The following GRIN2A variants were observed in gnomAD, a reference collection of about 807,000 sequenced individuals.
GRIN2A encodes the protein glutamate ionotropic receptor NMDA type subunit 2A.
Under a neutral mutation model 113.4 loss-of-function variants are expected in GRIN2A, and 22 were observed. The ratio of observed to expected loss-of-function variants is 0.19; its 90% CI spans 0.14 to 0.28. The LOEUF is 0.28. Ranked by LOEUF, GRIN2A falls within the 10% of genes least tolerant of loss-of-function variation. GRIN2A has a pLI of 1.00. For synonymous variants in GRIN2A, 827 were observed against 738.4 expected (o/e 1.12, Z -1.94); for missense variants, 1,502 against 1,887.0 (o/e 0.80, Z 3.78).
At chr16:10,124,445 G>A (rs2048889939) in intron 2 of GRIN2A, among the ~76,000 whole-genome samples, 1 of 151,778 alleles carries the variant, frequency 6.6e-6, no homozygotes, top group Non-Finnish European at 1.5e-5. Context: ...AGGAGAAGAA[G>A]CCAACATAAC....
chr16:9,971,908 T>A (rs1433397154), intron 2 of GRIN2A, among the ~76,000 whole-genome samples: 1 of 152,122 alleles, frequency 6.6e-6, no homozygotes, highest in Admixed American at 6.5e-5. Context: ...CATCATAGAG[T>A]TCTACATTTT....
At chr16:9,972,023 G>C (rs1052653798) in intron 2 of GRIN2A, among the ~76,000 whole-genome samples, 5 of 152,142 alleles carry the variant, frequency 3.3e-5, no homozygotes, top group African/African-American at 9.7e-5. Flanking sequence ...GTGGAAGTTA[G>C]AGACCTGGAA....
intron 2 of GRIN2A, among the ~76,000 whole-genome samples, chr16:10,129,193 A>G (rs1012321966): frequency 6.6e-6 from 1 of 152,086 alleles, no homozygotes; most frequent in African/African-American, 2.4e-5. Context: ...GTCCTACCTC[A>G]GCTTCCTATG....
chr16:9,768,776 A>T, intron 12 of GRIN2A, 75 bp downstream of exon 12: 2 of 944,116 alleles, frequency 2.1e-6, no homozygotes, highest in Non-Finnish European at 3.5e-6. Flanking sequence ...TGCAGACCCC[A>T]CTGAGACATC....
intron 3 of GRIN2A, among the ~76,000 whole-genome samples, chr16:9,902,743 C>T (rs79842281): frequency 0.027 from 4,128 of 151,962 alleles, 191 homozygotes; most frequent in African/African-American, 0.094. Context: ...TTTCTCTCCT[C>T]ATCTTCCCCT....
intron 2 of GRIN2A, among the ~76,000 whole-genome samples, chr16:10,160,650 T>A (rs2049791711): frequency 6.6e-6 from 1 of 152,234 alleles, no homozygotes; most frequent in African/African-American, 2.4e-5. Flanking sequence ...TTTGGCTGTT[T>A]TAATGAATTC....
intron 3 of GRIN2A, among the ~76,000 whole-genome samples, chr16:9,926,126 C>T (rs890576900): frequency 6.6e-6 from 1 of 152,178 alleles, no homozygotes; most frequent in African/African-American, 2.4e-5. Flanking sequence ...TCAAGGGGAA[C>T]TCTCCTTGGG....
chr16:9,863,250 C>G (rs2043101976), intron 4 of GRIN2A, among the ~76,000 whole-genome samples: 1 of 152,196 alleles, frequency 6.6e-6, no homozygotes, highest in African/African-American at 2.4e-5. Flanking sequence ...TAATAATTAG[C>G]ACCATGCAGC....
intron 2 of GRIN2A, among the ~76,000 whole-genome samples, chr16:10,119,247 T>C (rs189925983): frequency 2.0e-5 from 3 of 152,342 alleles, no homozygotes; most frequent in Admixed American, 1.3e-4. Flanking sequence ...GAGAAAGTTA[T>C]AAAGTAATCA....
chr16:10,113,346 G>A (rs1218841840), intron 2 of GRIN2A, among the ~76,000 whole-genome samples: 2 of 152,152 alleles, frequency 1.3e-5, no homozygotes, highest in African/African-American at 4.8e-5. Context: ...TAGGCCAAGA[G>A]GAGGTCTCTG....
At position 9,938,129 on chromosome 16, in the gene GRIN2A, G is replaced by C. The variant is rs55885632; in HGVS notation, c.837C>G (p.Val279=). The change falls in exon 3 of 13, where the codon GTC becomes GTG. Residue 279 remains valine, a synonymous_variant. Coordinates refer to ENST00000330684, the MANE Select transcript of GRIN2A (RefSeq NM_001134407.3). ...PKEFPSGLIS[V]SYDDWDYSLE... The stretch of plus-strand genomic sequence containing the variant: ...GGCTGTAGTCCCAGTCATCGTAGGA[G>C]ACAGAAATGAGTCCCGATGGAAACT... The C allele has an allele frequency of 1.1e-5, 17 of 1,614,008 alleles. No individual in the cohort carries two copies. Among genetic ancestry groups the C allele is most frequent in the Admixed American group, 1.7e-5 (1 of 60,004 alleles).
At chr16:9,887,735 C>T (rs1368066400) in intron 4 of GRIN2A, among the ~76,000 whole-genome samples, 5 of 152,024 alleles carry the variant, frequency 3.3e-5, no homozygotes, top group South Asian at 4.1e-4. Context: ...TGTATGTGTA[C>T]GTTTATTAAA....
chr16:9,899,166 C>T (rs13332744), intron 3 of GRIN2A, among the ~76,000 whole-genome samples: 4,168 of 152,074 alleles, frequency 0.027, 193 homozygotes, highest in African/African-American at 0.095. Context: ...AGGCCAGGCG[C>T]GGTGGCTCGC....
rs954144740 is a variant in GRIN2A at position 10,157,477 on chromosome 16, C to T, written c.414+22521G>A. On this transcript the variant is annotated intron_variant, in intron 2 of 12. Transcript: ENST00000330684. ...ACTGCTATAAAAATACTACCAGAGA[C>T]GGGTAATTTATAGAGGAAGAGGTTT... 5.9e-5 allele frequency among the ~76,000 whole-genome samples: 9 copies of T among 152,112 alleles called. No individual in the cohort carries two copies. In the South Asian group the frequency reaches 6.2e-4, roughly 11 times the overall value.
intron 4 of GRIN2A, among the ~76,000 whole-genome samples, chr16:9,856,150 C>T (rs531026682): frequency 3.3e-5 from 5 of 152,164 alleles, no homozygotes; most frequent in Non-Finnish European, 7.4e-5. Flanking sequence ...TAATTATCCT[C>T]ATTGCATGAT....
intron 3 of GRIN2A, among the ~76,000 whole-genome samples, chr16:9,931,552 C>G (rs1345450568): frequency 6.6e-6 from 1 of 152,068 alleles, no homozygotes; most frequent in African/African-American, 2.4e-5. Flanking sequence ...GTCATACTAC[C>G]TAGACCATGA....
rs570541796 is a variant in GRIN2A at position 10,133,473 on chromosome 16, G to A, written c.414+46525C>T. On this transcript the variant is annotated intron_variant, in intron 2 of 12. Transcript: ENST00000330684. ...AATACAAAAATTAGCCAGGCACGGTGCTGTGCACCCATAATCCCAGCTACT... is the reference window on the plus strand; with the variant it reads ...AATACAAAAATTAGCCAGGCACGGTACTGTGCACCCATAATCCCAGCTACT... Among the ~76,000 whole-genome samples, 2 of 152,330 alleles carry A rather than the reference G, an allele frequency of 1.3e-5. 1 individual carries two copies. The highest frequency in any genetic ancestry group is 4.1e-4 in the South Asian group (2 of 4,828).
intron 2 of GRIN2A, among the ~76,000 whole-genome samples, chr16:9,990,220 T>G (rs984382779): frequency 1.3e-5 from 2 of 152,186 alleles, no homozygotes; most frequent in Non-Finnish European, 2.9e-5. Context: ...AGTGAAATCA[T>G]GTCCTTTCCA....
intron 2 of GRIN2A, among the ~76,000 whole-genome samples, chr16:10,124,362 T>C (rs188134286): frequency 7.8e-4 from 119 of 152,312 alleles, no homozygotes; most frequent in African/African-American, 2.8e-3. Flanking sequence ...GTGCCTGCCC[T>C]GTATGCAGTA....
Sources: gnomAD v4.1 joint callset for allele counts (sites outside exome capture counted in the v4.1 genomes callset) on GRCh38, gnomAD v4.1.1 for gene constraint, MANE v1.5 for transcripts, NCBI Gene and HGNC (gene_info 2026-07-23, HGNC 2026-07-21) for gene names.